RALYL: variants seen among roughly 807,000 people sequenced by gnomAD.
RALYL encodes the protein RNA-binding Raly-like protein.
Under a neutral mutation model 35.1 loss-of-function variants are expected in RALYL, and 29 were observed. The observed-to-expected ratio is 0.83, with a 90% CI of 0.61 to 1.13. The LOEUF (loss-of-function observed/expected upper bound fraction) is 1.13, where lower values mean the gene tolerates loss of function less well. Among genes scored for constraint, RALYL ranks in the 50% most tolerant of loss-of-function variants. The pLI is 0.00. For missense variants in RALYL, 359 were observed against 360.4 expected (o/e 1.00, Z 0.03); for synonymous variants, 120 against 127.6 (o/e 0.94, Z 0.40).
At chr8:84,604,685 C>G (rs1380043211) in intron 2 of RALYL, among the ~76,000 whole-genome samples, 4 of 152,016 alleles carry the variant, frequency 2.6e-5, no homozygotes, top group South Asian at 2.1e-4. Flanking sequence ...GGTTGTTTTC[C>G]ATCTATTCTT....
intron 2 of RALYL, among the ~76,000 whole-genome samples, chr8:84,685,200 G>A (rs1372134410): frequency 6.6e-6 from 1 of 152,134 alleles, no homozygotes; most frequent in Non-Finnish European, 1.5e-5. Flanking sequence ...CATAACAGGG[G>A]AGAAGGAAAG....
intron 2 of RALYL, among the ~76,000 whole-genome samples, chr8:84,530,656 C>T (rs1033073302): frequency 2.6e-5 from 4 of 152,030 alleles, no homozygotes; most frequent in African/African-American, 9.7e-5. Context: ...CTAGTTGGTC[C>T]GCTTCTTTTT....
rs958075692 is a variant in RALYL, at chr8:84,526,618, A to C, written c.-23-2681A>C. On this transcript the variant is annotated intron_variant, in intron 1 of 8. Transcript: ENST00000521268. The stretch of plus-strand genomic sequence containing the variant: ...ATCAGCATAGGTTCAAAGGACTTTA[A>C]AGCAGATTTCTAGAGTTCTTTGTCT... Among the ~76,000 whole-genome samples, 8 of 152,184 alleles carry C rather than the reference A, an allele frequency of 5.3e-5. 1 individual carries two copies. The East Asian group carries it at 7.7e-4, about 15-fold the overall frequency.
intron 1 of RALYL, among the ~76,000 whole-genome samples, chr8:84,208,788 T>C (rs1818698750): frequency 6.6e-6 from 1 of 152,166 alleles, no homozygotes; most frequent in Non-Finnish European, 1.5e-5. Flanking sequence ...TTAAAATGTT[T>C]AAGTTTAAAA....
intron 1 of RALYL, among the ~76,000 whole-genome samples, chr8:84,250,874 G>A (rs1469179567): frequency 6.6e-6 from 1 of 152,078 alleles, no homozygotes; most frequent in Non-Finnish European, 1.5e-5. Flanking sequence ...CCTTTGGCTA[G>A]AAAGTAAGTA....
chr8:84,266,105 T>C (rs1436368667), intron 1 of RALYL, among the ~76,000 whole-genome samples: 3 of 152,222 alleles, frequency 2.0e-5, no homozygotes, highest in Non-Finnish European at 4.4e-5. Flanking sequence ...TGGTTTCAAC[T>C]TACATTTATT....
At chr8:84,212,851 T>TA (rs1374899198) in intron 1 of RALYL, among the ~76,000 whole-genome samples, 1 of 152,228 alleles carries the variant, frequency 6.6e-6, no homozygotes, top group African/African-American at 2.4e-5. Flanking sequence ...TGGCAGTTTT[T>TA]ATCTTAAAAA....
At chr8:84,453,253 A>G (rs1233223017) in intron 1 of RALYL, among the ~76,000 whole-genome samples, 1 of 151,964 alleles carries the variant, frequency 6.6e-6, no homozygotes, top group Non-Finnish European at 1.5e-5. Flanking sequence ...TTGGCTATTT[A>G]GAAGCTTAAT....
intron 1 of RALYL, among the ~76,000 whole-genome samples, chr8:84,448,514 T>A (rs1212695323): frequency 6.6e-6 from 1 of 152,026 alleles, no homozygotes; most frequent in East Asian, 1.9e-4. Context: ...AGAGAGGTGA[T>A]GAAAAACCTT....
rs559212219 is a variant in RALYL, at chr8:84,311,032, C to T, written c.-24+126608C>T. 1.0e-2 allele frequency among the ~76,000 whole-genome samples: 959 copies of T among 96,140 alleles called. 16 individuals are homozygous for T. The highest frequency in any genetic ancestry group is 0.051 in the Middle Eastern group (4 of 78). The allele number at this position is 96,140 out of a possible 152,430, so 63.1% of individuals were successfully genotyped here. ...ACTGCAGTCCGCAGTCCGACCTGGG[C>T]GACAGAGCGAGACTCCGTCTCAAAA... On this transcript the variant is annotated intron_variant, in intron 1 of 8. Coordinates refer to ENST00000521268, the MANE Select transcript of RALYL (RefSeq NM_173848.7).
chr8:84,603,345 T>C (rs1349443689), intron 2 of RALYL, among the ~76,000 whole-genome samples: 1 of 152,146 alleles, frequency 6.6e-6, no homozygotes, highest in Admixed American at 6.6e-5. Flanking sequence ...TAATTAATAT[T>C]ACCTAAAAAG....
At chr8:84,318,103 A>G (rs146393873) in intron 1 of RALYL, among the ~76,000 whole-genome samples, 1 of 152,268 alleles carries the variant, frequency 6.6e-6, no homozygotes, top group East Asian at 1.9e-4. Flanking sequence ...GACTGGCTAC[A>G]TCATTTGTAG....
Position 84,792,509 on chromosome 8 carries a change from G to A in RALYL, c.333-12261G>A, listed in dbSNP as rs185842652. On this transcript the variant is annotated intron_variant, in intron 3 of 8. Transcript: ENST00000521268. ...TTTACATGGGTACAGGATAGGGGGCGTTGCAGGCCAAAAGGCAAATTTGGG... is the reference window on the plus strand; with the variant it reads ...TTTACATGGGTACAGGATAGGGGGCATTGCAGGCCAAAAGGCAAATTTGGG... Among the ~76,000 whole-genome samples, 13 of 152,312 alleles carry A rather than the reference G, an allele frequency of 8.5e-5. No individual in the cohort carries two copies. In the East Asian group the frequency reaches 1.7e-3, roughly 20 times the overall value.
At chr8:84,855,217 C>A (rs534795169) in intron 5 of RALYL, among the ~76,000 whole-genome samples, 2 of 152,324 alleles carry the variant, frequency 1.3e-5, no homozygotes, top group South Asian at 4.1e-4. Context: ...AACCCCAACC[C>A]TAACCCTCAC....
At chr8:84,195,447 A>G (rs62528129) in intron 1 of RALYL, among the ~76,000 whole-genome samples, 1 of 152,186 alleles carries the variant, frequency 6.6e-6, no homozygotes, top group Admixed American at 6.5e-5. Flanking sequence ...TCAAAAAAAT[A>G]AAAACATAAG....
intron 2 of RALYL, among the ~76,000 whole-genome samples, chr8:84,598,142 T>C (rs1461285605): frequency 2.6e-5 from 4 of 152,094 alleles, no homozygotes; most frequent in East Asian, 1.9e-4. Context: ...GCCTTACTCC[T>C]CCCTCTTTAT....
intron 1 of RALYL, among the ~76,000 whole-genome samples, chr8:84,254,006 CATG>C (rs1269467911): frequency 1.3e-5 from 2 of 152,228 alleles, no homozygotes; most frequent in Admixed American, 6.5e-5. Context: ...ACAAATGCAT[CATG>C]ATATGTTCAG....
chr8:84,608,149 C>T (rs1410518813), intron 2 of RALYL, among the ~76,000 whole-genome samples: 2 of 152,100 alleles, frequency 1.3e-5, no homozygotes, highest in Non-Finnish European at 2.9e-5. Flanking sequence ...GAATTTCCTG[C>T]ACAAAGGTCC....
intron 1 of RALYL, among the ~76,000 whole-genome samples, chr8:84,499,123 G>A (rs1435298322): frequency 1.3e-5 from 2 of 150,234 alleles, no homozygotes; most frequent in Admixed American, 6.7e-5. Context: ...GATTCAGAGA[G>A]TAAATGCGCA....
Sources: gnomAD v4.1 joint callset for allele counts (sites outside exome capture counted in the v4.1 genomes callset) on GRCh38, gnomAD v4.1.1 for gene constraint, MANE v1.5 for transcripts, NCBI Gene and HGNC (gene_info 2026-07-23, HGNC 2026-07-21) for gene names.